The following ACOT11 variants were observed in gnomAD, a reference collection of about 807,000 sequenced individuals.
The protein encoded by ACOT11 is acyl-coenzyme A thioesterase 11.
A neutral mutation model predicts 77.5 loss-of-function variants in ACOT11; 69 were observed. The ratio of observed to expected loss-of-function variants is 0.89; its 90% confidence interval spans 0.73 to 1.09. The LOEUF is 1.09. Ranked by LOEUF, ACOT11 falls within the 50% of genes least tolerant of loss-of-function variation. The probability of loss-of-function intolerance (pLI) is 0.00; values close to 1 mark genes in which losing one functional copy is unlikely to be tolerated. For synonymous variants in ACOT11, 279 were observed against 313.0 expected, an observed-to-expected ratio of 0.89 and a Z score of 1.15; for missense variants, 766 against 813.7, an observed-to-expected ratio of 0.94 and a Z score of 0.71.
Position 54,627,137 on chromosome 1 carries a change from G to A in ACOT11, c.1630-3597G>A, listed in dbSNP as rs760772004. 3.8e-4 allele frequency among the ~76,000 whole-genome samples: 52 copies of A among 135,626 alleles called. 12 individuals are homozygous for A. The highest frequency in any genetic ancestry group is 7.4e-4 in the Non-Finnish European group (44 of 59,630). 89.0% of individuals were successfully genotyped at this position (135,626 alleles called of 152,430 possible). On this transcript the variant is annotated intron_variant, in intron 15 of 16. Coordinates refer to the ACOT11 transcript ENST00000371316. ...CTCCCAAAGTGCTGGGATTATAGGC[G>A]TGAGCCACTGTACCCAGCCGAGGAA...
At chr1:54,617,461 TAAA>T (rs35936174) in intron 15 of ACOT11, among the ~76,000 whole-genome samples, 169 of 133,978 alleles carry the variant, frequency 1.3e-3, no homozygotes, top group African/African-American at 4.2e-3. Flanking sequence ...CACTTTCTGT[TAAA>T]AAAAAAAAAA....
chr1:54,586,218 T>C (rs1654494737), intron 3 of ACOT11, among the ~76,000 whole-genome samples: 1 of 152,142 alleles, frequency 6.6e-6, no homozygotes. Context: ...CTCAGTTTTC[T>C]CATCTGCAGA....
In ACOT11 at chr1:54,585,890, T is replaced by A. The variant is rs1383986776; in HGVS notation, c.297T>A (p.Phe99Leu). Reference protein sequence around the residue: ...CVTASMDDIYFEHTISVGQVV... With the variant: ...CVTASMDDIYLEHTISVGQVV... ...CAGCTTCCATGGATGACATCTATTTTGAGCACACCATTAGGTAAGTGGCCC... is the reference window on the plus strand; with the variant it reads ...CAGCTTCCATGGATGACATCTATTTAGAGCACACCATTAGGTAAGTGGCCC... The change falls in exon 3 of 16, where the codon TTT (phenylalanine) becomes TTA (leucine). Residue 99 changes from phenylalanine to leucine, a missense_variant. By Grantham distance (22) the Phe-to-Leu change is conservative. Transcript: ENST00000343744. 6.2e-7 allele frequency: 1 copy of A among 1,614,096 alleles called. No homozygotes were observed. Among genetic ancestry groups the A allele is most frequent in the Non-Finnish European group, 8.5e-7 (1 of 1,179,964 alleles).
chr1:54,614,808 A>C (rs758161638), downstream of ACOT11: 10 of 1,614,108 alleles, frequency 6.2e-6, no homozygotes, highest in Non-Finnish European at 8.5e-6. Flanking sequence ...CTGCCGCAGG[A>C]GGTCCAGGGA....
chr1:54,554,351 A>ATATAT (rs1553161034), intron 1 of ACOT11, among the ~76,000 whole-genome samples: 1,465 of 97,208 alleles, frequency 0.015, 44 homozygotes, highest in East Asian at 0.05. Flanking sequence ...ATATATATAT[A>ATATAT]TTTTTTTTTT....
chr1:54,597,194 G>A (rs1267163351), intron 6 of ACOT11, 65 bp from the exon 7 acceptor site: 1 of 1,591,086 alleles, frequency 6.3e-7, no homozygotes, highest in Non-Finnish European at 8.5e-7. Context: ...CTGCCTGTGG[G>A]GAGGGGCTGC....
intron 15 of ACOT11, among the ~76,000 whole-genome samples, chr1:54,618,696 G>A (rs1644199429): frequency 6.6e-6 from 1 of 152,028 alleles, no homozygotes; most frequent in East Asian, 1.9e-4. Flanking sequence ...GAGGGAAGGG[G>A]ACATGGAGTC....
chr1:54,552,425 G>A lies in ACOT11; in HGVS notation c.33+4083G>A, dbSNP rs538417900. On this transcript the variant is annotated intron_variant, in intron 1 of 15. Coordinates refer to ENST00000343744, the MANE Select transcript of ACOT11 (RefSeq NM_147161.4). ...AGACTTGAACATGTAGCATCAGCCT[G>A]TTCAGGAGCCATATGTGAACCCCCA... 5.3e-5 allele frequency among the ~76,000 whole-genome samples: 8 copies of A among 152,210 alleles called. No homozygotes were observed. In the South Asian group the frequency reaches 1.7e-3, roughly 32 times the overall value.
At position 54,610,018 on chromosome 1, in the gene ACOT11, C is replaced by A. The variant is rs1033183959; in HGVS notation, c.*906C>A. ...TGTTAAGAGTCCCTTGTTAAAGGGG[C>A]AGTGGGAGTTATGGGGTCATCAAGG... On this transcript the variant is annotated 3_prime_UTR_variant, in exon 16 of 16. Transcript: ENST00000343744. 6.7e-7 allele frequency: 1 copy of A among 1,503,452 alleles called. No individual in the cohort carries two copies. The highest frequency in any genetic ancestry group is 1.4e-5 in the African/African-American group (1 of 72,714). 93.1% of individuals were successfully genotyped at this position (1,503,452 alleles called of 1,614,324 possible).
chr1:54,585,967 T>C, intron 3 of ACOT11, 63 bp downstream of exon 3: 1 of 1,549,102 alleles, frequency 6.5e-7, no homozygotes, highest in South Asian at 1.1e-5. Flanking sequence ...GGGCCTGTCC[T>C]CCTGACTCCC....
chr1:54,567,310 ACT>A (rs1201465721), intron 1 of ACOT11, among the ~76,000 whole-genome samples: 1 of 139,186 alleles, frequency 7.2e-6, no homozygotes, highest in Non-Finnish European at 1.5e-5. Context: ...ATGCAGTCTC[ACT>A]CTGTCTCCCA....
intron 1 of ACOT11, among the ~76,000 whole-genome samples, chr1:54,574,692 T>G (rs1253549052): frequency 2.0e-5 from 3 of 152,208 alleles, no homozygotes; most frequent in Admixed American, 6.5e-5. Context: ...CCGCTCCCTG[T>G]ACTGAGGGTG....
At chr1:54,615,575 T>A (rs1644164426) in intron 15 of ACOT11, among the ~76,000 whole-genome samples, 1 of 150,106 alleles carries the variant, frequency 6.7e-6, no homozygotes, top group Admixed American at 6.7e-5. Flanking sequence ...GGGGGCAGGG[T>A]TAGGGGTTAG....
intron 16 of ACOT11, among the ~76,000 whole-genome samples, chr1:54,633,596 T>A (rs765963061): frequency 6.6e-6 from 1 of 152,230 alleles, no homozygotes; most frequent in Non-Finnish European, 1.5e-5. Context: ...GTTGCCACAG[T>A]GCATGCCAAA....
At chr1:54,608,095 C>A in intron 15 of ACOT11, 27 bp downstream of exon 15, 1 of 1,598,030 alleles carries the variant, frequency 6.3e-7, no homozygotes, top group East Asian at 2.2e-5. Flanking sequence ...CAACCACGCC[C>A]CCAGCCTGGC....
At chr1:54,591,268 C>T (rs1444493968) in intron 3 of ACOT11, among the ~76,000 whole-genome samples, 1 of 152,216 alleles carries the variant, frequency 6.6e-6, no homozygotes, top group Non-Finnish European at 1.5e-5. Context: ...GCGCTTGGCT[C>T]AGTCCCATTC....
At chr1:54,619,444 T>C (rs1644207226) in intron 15 of ACOT11, among the ~76,000 whole-genome samples, 1 of 152,144 alleles carries the variant, frequency 6.6e-6, no homozygotes, top group South Asian at 2.1e-4. Context: ...ATGTTACCCA[T>C]GAAACAGATT....
intron 6 of ACOT11, among the ~76,000 whole-genome samples, chr1:54,595,949 A>G (rs1422037347): frequency 6.6e-6 from 1 of 152,184 alleles, no homozygotes; most frequent in South Asian, 2.1e-4. Context: ...CCTGAGTTCC[A>G]TGTGCCCTGG....
chr1:54,601,181 A>ATG (rs1161128674), intron 8 of ACOT11, 88 bp from the exon 9 acceptor site: 42 of 1,475,544 alleles, frequency 2.8e-5, no homozygotes, highest in Non-Finnish European at 3.6e-5. Context: ...GCATGTGTGC[A>ATG]TGTGTGTGTG....
Sources: gnomAD v4.1 joint callset for allele counts (sites outside exome capture counted in the v4.1 genomes callset) on GRCh38, gnomAD v4.1.1 for gene constraint, MANE v1.5 for transcripts, NCBI Gene and HGNC (gene_info 2026-07-23, HGNC 2026-07-21) for gene names.